CHL1: variants seen among roughly 807,000 people sequenced by gnomAD.
The protein encoded by CHL1 is neural cell adhesion molecule L1-like protein.
Under a neutral mutation model 141.9 loss-of-function variants are expected in CHL1, and 96 were observed. The ratio of observed to expected loss-of-function variants is 0.68; its 90% CI spans 0.57 to 0.80. The LOEUF is 0.80. Among genes scored for constraint, CHL1 ranks in the 30% least tolerant of loss-of-function variants. The pLI, the probability that CHL1 is intolerant of heterozygous loss-of-function variation, is 0.00. For missense variants in CHL1, 1,820 were observed against 1,457.2 expected (o/e 1.25, Z -4.05); for synonymous variants, 613 against 502.2 (o/e 1.22, Z -2.95).
At chr3:346,432 T>A (rs1415866111) in intron 9 of CHL1, among the ~76,000 whole-genome samples, 1 of 152,226 alleles carries the variant, frequency 6.6e-6, no homozygotes, top group Non-Finnish European at 1.5e-5. Flanking sequence ...GCAGAGTTCA[T>A]CACTGTATTG....
At chr3:254,394 G>A (rs1693971042) in intron 2 of CHL1, among the ~76,000 whole-genome samples, 1 of 152,200 alleles carries the variant, frequency 6.6e-6, no homozygotes, top group Non-Finnish European at 1.5e-5. Context: ...CTCTAAGGAG[G>A]TAAAGTGGGC....
intron 5 of CHL1, among the ~76,000 whole-genome samples, chr3:329,629 T>G (rs985150618): frequency 2.0e-5 from 3 of 151,348 alleles, no homozygotes. Flanking sequence ...AGAAATAAAT[T>G]CAAATATATC....
intron 24 of CHL1, among the ~76,000 whole-genome samples, chr3:395,870 G>A (rs982578514): frequency 2.0e-5 from 3 of 152,086 alleles, no homozygotes; most frequent in Non-Finnish European, 4.4e-5. Context: ...GGGAAAAATA[G>A]TAGAGAAAAT....
At chr3:304,526 A>G (rs1468193234) in intron 2 of CHL1, among the ~76,000 whole-genome samples, 8 of 152,136 alleles carry the variant, frequency 5.3e-5, no homozygotes, top group Admixed American at 3.3e-4. Flanking sequence ...GTTTATTTGC[A>G]TAGAGGTGTT....
rs945307205 is a variant in CHL1, at chr3:269,858, A to C, written c.-95+25166A>C. On this transcript the variant is annotated intron_variant, in intron 2 of 27. Transcript: ENST00000256509. ...ACCCAGTATTAAGCAGCTGGGCTTG[A>C]GCTGTTGCTGGTACCTCATCTAAGG... 4.6e-5 allele frequency among the ~76,000 whole-genome samples: 7 copies of C among 152,126 alleles called. No individual in the cohort carries two copies. In the East Asian group the frequency reaches 1.3e-3, roughly 29 times the overall value.
chr3:260,263 C>CAAATAAAT (rs58225264), intron 2 of CHL1, among the ~76,000 whole-genome samples: 35 of 151,462 alleles, frequency 2.3e-4, no homozygotes, highest in African/African-American at 7.8e-4. Flanking sequence ...AACTCTGTCT[C>CAAATAAAT]AAATAAATAA....
rs1703081036 is a variant in CHL1, at chr3:349,694, A to T, written c.1033+151A>T. On this transcript the variant is annotated intron_variant, in intron 10 of 27. Transcript: ENST00000256509. ...GGGCATTGAATTATATTACACTTCA[A>T]CTAAGCAGGTTTGTCATTTACGCCC... The T allele has an allele frequency of 4.6e-6, 3 of 655,938 alleles. No homozygotes were observed. In the East Asian group the frequency reaches 8.0e-5, roughly 18 times the overall value. The allele number at this position is 655,938 out of a possible 1,614,324, so 40.6% of individuals were successfully genotyped here.
chr3:361,041 G>A (rs1010166001), intron 12 of CHL1, among the ~76,000 whole-genome samples: 9 of 151,850 alleles, frequency 5.9e-5, no homozygotes, highest in South Asian at 2.1e-4. Context: ...GAATAATGCC[G>A]CAAAAAACAT....
At chr3:288,414 G>C (rs1159431770) in intron 2 of CHL1, among the ~76,000 whole-genome samples, 1 of 151,788 alleles carries the variant, frequency 6.6e-6, no homozygotes, top group Non-Finnish European at 1.5e-5. Context: ...TTAGCAACTG[G>C]TTACAGTTTG....
At chr3:371,889 T>C (rs1230836500) in intron 15 of CHL1, among the ~76,000 whole-genome samples, 1 of 152,324 alleles carries the variant, frequency 6.6e-6, no homozygotes, top group East Asian at 1.9e-4. Flanking sequence ...GGATATGAAA[T>C]TCTGGGCTGA....
At chr3:389,122 G>T in intron 19 of CHL1, 130 bp from the exon 20 acceptor site, 1 of 738,422 alleles carries the variant, frequency 1.4e-6, no homozygotes, top group Non-Finnish European at 2.2e-6. Flanking sequence ...AACCAAGAAG[G>T]GGGATTTAAG....
intron 2 of CHL1, among the ~76,000 whole-genome samples, chr3:315,837 G>A (rs1228767355): frequency 6.6e-6 from 1 of 151,950 alleles, no homozygotes; most frequent in Non-Finnish European, 1.5e-5. Flanking sequence ...ACACATATGA[G>A]GAGTTTAGAA....
intron 1 of CHL1, among the ~76,000 whole-genome samples, chr3:233,888 A>C (rs540092592): frequency 2.0e-5 from 3 of 152,112 alleles, no homozygotes; most frequent in Non-Finnish European, 4.4e-5. Flanking sequence ...TTCCATTGGT[A>C]GTTGGTGATA....
chr3:381,616 G>A (rs1360040705), intron 16 of CHL1, among the ~76,000 whole-genome samples: 1 of 152,226 alleles, frequency 6.6e-6, no homozygotes, highest in African/African-American at 2.4e-5. Context: ...ACAGGTCATA[G>A]GTGGATTCAA....
At chr3:204,565 C>T (rs891517913) in intron 1 of CHL1, among the ~76,000 whole-genome samples, 7 of 152,090 alleles carry the variant, frequency 4.6e-5, no homozygotes, top group Admixed American at 2.6e-4. Context: ...TGATCTGTTG[C>T]GGTTAGAGTT....
At chr3:369,662 C>T (rs537652542) in intron 15 of CHL1, among the ~76,000 whole-genome samples, 2 of 152,190 alleles carry the variant, frequency 1.3e-5, no homozygotes, top group African/African-American at 2.4e-5. Context: ...GAGAGGGCAT[C>T]CTTGTCTTGT....
intron 11 of CHL1, among the ~76,000 whole-genome samples, chr3:359,162 C>A (rs1008422976): frequency 2.6e-5 from 4 of 151,622 alleles, no homozygotes; most frequent in African/African-American, 2.4e-5. Context: ...TAATCCAGTC[C>A]CCTCACCTTT....
At chr3:338,411 A>G (rs17029758) in intron 5 of CHL1, among the ~76,000 whole-genome samples, 2,087 of 152,330 alleles carry the variant, frequency 0.014, 49 homozygotes, top group African/African-American at 0.048. Context: ...AACACAGTAA[A>G]TGCCACTGGT....
intron 2 of CHL1, among the ~76,000 whole-genome samples, chr3:268,783 A>G (rs17273983): frequency 0.071 from 10,816 of 152,256 alleles, 451 homozygotes; most frequent in Non-Finnish European, 0.089. Flanking sequence ...GGAATTATTT[A>G]GATTTGAGTT....
Sources: allele counts gnomAD v4.1 joint callset (sites outside exome capture counted in the v4.1 genomes callset), GRCh38; gene constraint gnomAD v4.1.1; transcripts MANE v1.5; gene names NCBI Gene and HGNC (gene_info 2026-07-23, HGNC 2026-07-21).